CFAP47: variants seen among roughly 807,000 people sequenced by gnomAD.
CFAP47 encodes cilia and flagella associated protein 47.
Under a neutral mutation model 148.1 loss-of-function variants are expected in CFAP47, and 29 were observed. The observed-to-expected ratio is 0.20, with a 90% CI of 0.15 to 0.27. CFAP47 has a LOEUF of 0.27. Ranked by LOEUF, CFAP47 falls within the 10% of genes least tolerant of loss-of-function variation. The probability of loss-of-function intolerance (pLI) is 1.00; values close to 1 mark genes in which losing one functional copy is unlikely to be tolerated. For missense variants in CFAP47, 1,872 were observed against 1,697.5 expected (o/e 1.10, Z -1.81); for synonymous variants, 664 against 577.3 (o/e 1.15, Z -2.15).
At chrX:35,966,396 A>C (rs774497048) in intron 8 of CFAP47, among the ~76,000 whole-genome samples, 169 bp from the exon 9 acceptor site, 1 of 107,542 alleles carries the variant, frequency 9.3e-6, no homozygotes, top group Admixed American at 1.0e-4. Context: ...TAAGAAAAGT[A>C]ATGAATATTT....
intron 33 of CFAP47, among the ~76,000 whole-genome samples, chrX:36,120,145 G>A (rs1938715472): frequency 9.3e-6 from 1 of 107,988 alleles, no homozygotes; most frequent in African/African-American, 3.4e-5. Flanking sequence ...GGGACTACAG[G>A]TGCCTGCCAC....
chrX:36,099,808 G>C lies in CFAP47; in HGVS notation c.5056G>C (p.Val1686Leu). The C allele has an allele frequency of 2.2e-6, 2 of 895,061 alleles. No individual in the cohort carries two copies. Among genetic ancestry groups the C allele is most frequent in the Admixed American group, 4.4e-5 (2 of 45,274 alleles). 73.8% of individuals were successfully genotyped at this position (895,061 alleles called of 1,213,427 possible). A position where few individuals can be genotyped will look rare whatever the true frequency, so the allele number is the denominator to read the frequency against. The change falls in exon 32 of 64, where the codon GTT (valine) becomes CTT (leucine). Residue 1686 changes from valine to leucine, a missense_variant. Val to Leu is a conservative substitution (Grantham distance 32, BLOSUM62 1). Transcript: ENST00000378653. Reference sequence around the variant, plus strand: ...TACACCTAAGAAAAAATGTTCTATTGTTATAGAAATGTCTAAATTTGAAGC... The same window carrying C: ...TACACCTAAGAAAAAATGTTCTATTCTTATAGAAATGTCTAAATTTGAAGC... ...SCTPKKKCSI[V>L]IEMSKFEAWS...
intron 33 of CFAP47, among the ~76,000 whole-genome samples, chrX:36,111,682 G>T (rs917088247): frequency 9.0e-6 from 1 of 111,724 alleles, no homozygotes; most frequent in Non-Finnish European, 1.9e-5. Context: ...CAGTAGAAAT[G>T]ATACCAGCTC....
intron 23 of CFAP47, among the ~76,000 whole-genome samples, chrX:36,033,126 A>G (rs1403371761): frequency 8.9e-6 from 1 of 112,239 alleles, no homozygotes; most frequent in Non-Finnish European, 1.9e-5. Context: ...GTGATATATA[A>G]CAATATATTT....
chrX:36,092,804 T>C (rs1190131158), intron 30 of CFAP47, among the ~76,000 whole-genome samples: 2 of 110,301 alleles, frequency 1.8e-5, no homozygotes. Flanking sequence ...TAAATTATTA[T>C]TGACTAGAGT....
intron 48 of CFAP47, among the ~76,000 whole-genome samples, chrX:36,249,891 A>T (rs968970767): frequency 9.0e-6 from 1 of 111,587 alleles, no homozygotes; most frequent in Non-Finnish European, 1.9e-5. Context: ...GTGTTTGAAG[A>T]TTCCTAGAAA....
At chrX:36,142,476 C>T (rs1303506631) in intron 35 of CFAP47, among the ~76,000 whole-genome samples, 1 of 110,752 alleles carries the variant, frequency 9.0e-6, no homozygotes, top group African/African-American at 3.3e-5. Flanking sequence ...ATCTATGTAG[C>T]GAAAATAATG....
Position 36,376,958 on chromosome X carries a change from C to CG in CFAP47, c.9186-2392_9186-2391insG, listed in dbSNP as rs782530165. On this transcript the variant is annotated intron_variant, in intron 62 of 63. Coordinates refer to ENST00000378653, the MANE Select transcript of CFAP47 (RefSeq NM_001304548.2). ...GTCCCTACAAAGGACATGAACTCAT[C>CG]CTTTTTATGGCTGCATAGTATTCCA... 1.9e-4 allele frequency among the ~76,000 whole-genome samples: 21 copies of CG among 110,782 alleles called. No individual in the cohort carries two copies. The South Asian group carries it at 8.2e-3, about 43-fold the overall frequency.
At chrX:36,265,577 C>G (rs1244608101) in intron 49 of CFAP47, among the ~76,000 whole-genome samples, 1 of 111,332 alleles carries the variant, frequency 9.0e-6, no homozygotes, top group Non-Finnish European at 1.9e-5. Context: ...GAGGTTTGTT[C>G]CTTCGGTAAG....
intron 56 of CFAP47, among the ~76,000 whole-genome samples, chrX:36,315,355 G>A (rs781917227): frequency 3.6e-5 from 4 of 111,870 alleles, no homozygotes; most frequent in South Asian, 3.7e-4. Flanking sequence ...TTACTTAGTG[G>A]AGTGGCTTGC....
intron 33 of CFAP47, among the ~76,000 whole-genome samples, chrX:36,116,983 C>A (rs1399487899): frequency 8.9e-6 from 1 of 111,749 alleles, no homozygotes; most frequent in Non-Finnish European, 1.9e-5. Flanking sequence ...GCAACTCCCA[C>A]AAATAACTGA....
intron 33 of CFAP47, among the ~76,000 whole-genome samples, chrX:36,105,620 ATACTT>A (rs1265969177): frequency 2.7e-5 from 3 of 111,996 alleles, no homozygotes; most frequent in Non-Finnish European, 5.6e-5. Context: ...CAAACATAGA[ATACTT>A]TATTACCTTC....
chrX:36,363,723 A>T (rs1020904105), intron 61 of CFAP47, among the ~76,000 whole-genome samples: 2 of 112,166 alleles, frequency 1.8e-5, no homozygotes, highest in Admixed American at 9.5e-5. Context: ...CATGTTTCAC[A>T]ACAGTGAATA....
chrX:36,363,490 T>C (rs1441879884), intron 61 of CFAP47, among the ~76,000 whole-genome samples: 1 of 111,645 alleles, frequency 9.0e-6, no homozygotes, highest in Non-Finnish European at 1.9e-5. Flanking sequence ...GGAACAACCG[T>C]TGTATGTACA....
chrX:36,260,310 C>T (rs1328406018), intron 49 of CFAP47, among the ~76,000 whole-genome samples: 2 of 112,077 alleles, frequency 1.8e-5, no homozygotes, highest in Non-Finnish European at 3.8e-5. Context: ...AAACTGCTTT[C>T]CACAGTGGCT....
At chrX:36,121,149 A>T (rs1169764569) in intron 33 of CFAP47, among the ~76,000 whole-genome samples, 1 of 111,277 alleles carries the variant, frequency 9.0e-6, no homozygotes, top group Non-Finnish European at 1.9e-5. Context: ...TTGTCTTGAA[A>T]TCTATTTTGT....
intron 45 of CFAP47, among the ~76,000 whole-genome samples, chrX:36,209,491 A>C (rs1443665845): frequency 9.0e-6 from 1 of 111,172 alleles, no homozygotes; most frequent in African/African-American, 3.3e-5. Context: ...CAAAACATAA[A>C]TTTTTTAGCA....
intron 47 of CFAP47, 68 bp from the exon 48 acceptor site, chrX:36,236,618 G>A (rs1330778635): frequency 4.3e-6 from 2 of 461,760 alleles, no homozygotes; most frequent in East Asian, 8.0e-5. Flanking sequence ...AGAAGAATAA[G>A]ATAGCAGAGG....
intron 5 of CFAP47, among the ~76,000 whole-genome samples, 161 bp downstream of exon 5, chrX:35,951,520 A>G (rs1255685059): frequency 8.9e-6 from 1 of 112,217 alleles, no homozygotes; most frequent in Non-Finnish European, 1.9e-5. Flanking sequence ...CAAAAAATTC[A>G]GAAATTAAGC....
Sources: allele counts gnomAD v4.1 joint callset (sites outside exome capture counted in the v4.1 genomes callset), GRCh38; gene constraint gnomAD v4.1.1; transcripts MANE v1.5; gene names NCBI Gene and HGNC (gene_info 2026-07-23, HGNC 2026-07-21).